Variants in PALD1 observed in about 807,000 individuals in gnomAD.
The protein encoded by PALD1 is phosphatase domain containing paladin 1, also known as paladin.
Under a neutral mutation model 96.0 loss-of-function variants are expected in PALD1, and 57 were observed. The observed-to-expected ratio is 0.59, with a 90% CI of 0.48 to 0.74. The LOEUF (loss-of-function observed/expected upper bound fraction) is 0.74. PALD1 is among the 30% of genes least tolerant of loss of function. PALD1 has a pLI of 0.00. For synonymous variants in PALD1, 464 were observed against 473.6 expected (o/e 0.98, Z 0.26); for missense variants, 1,063 against 1,143.7 (o/e 0.93, Z 1.02).
chr10:70,562,079 G>A (rs775159369), intron 18 of PALD1, among the ~76,000 whole-genome samples: 4 of 152,206 alleles, frequency 2.6e-5, no homozygotes, highest in African/African-American at 7.2e-5. Context: ...TGGTGCACAC[G>A]TGCCTTCTCA....
At chr10:70,545,667 G>T (rs934862442) in intron 17 of PALD1, among the ~76,000 whole-genome samples, 1 of 151,780 alleles carries the variant, frequency 6.6e-6, no homozygotes. Flanking sequence ...TGAACTTCTG[G>T]CCTCAAGCGA....
chr10:70,474,233 C>G (rs1845795031), upstream of PALD1, among the ~76,000 whole-genome samples: 2 of 152,068 alleles, frequency 1.3e-5, no homozygotes, highest in South Asian at 4.1e-4. Context: ...GTGTAGTGCC[C>G]TGCAGTCAGC....
chr10:70,478,651 G>A (rs1178941439), upstream of PALD1, among the ~76,000 whole-genome samples: 4 of 152,204 alleles, frequency 2.6e-5, no homozygotes, highest in African/African-American at 9.6e-5. Flanking sequence ...CGGGGGCTGC[G>A]GCTGGGCTGA....
At chr10:70,564,657 G>A in intron 19 of PALD1, 138 bp downstream of exon 19, 1 of 779,978 alleles carries the variant, frequency 1.3e-6, no homozygotes, top group Non-Finnish European at 2.1e-6. Context: ...CCTTTCTGCA[G>A]GAGGCTTCTG....
chr10:70,475,186 A>G (rs189253154), upstream of PALD1, among the ~76,000 whole-genome samples: 223 of 152,306 alleles, frequency 1.5e-3, 4 homozygotes, highest in Admixed American at 0.014. Flanking sequence ...CATGGTGGTA[A>G]AGTTGCTGTG....
chr10:70,567,750 G>A lies in PALD1; in HGVS notation c.*1017G>A, dbSNP rs1055293582. On this transcript the variant is annotated 3_prime_UTR_variant, in exon 20 of 20. Transcript: ENST00000263563. ...AGCATCTTTGAGCCTGCCTTCCGGT[G>A]GGAGCAGAAAAGGCCAGACCCTGCT... 8 of 152,822 alleles carry A rather than the reference G, an allele frequency of 5.2e-5. No homozygotes were observed. The highest frequency in any genetic ancestry group is 1.4e-4 in the African/African-American group (6 of 41,446). The allele number at this position is 152,822 out of a possible 1,614,324, so 9.5% of individuals were successfully genotyped here. A position where few individuals can be genotyped will look rare whatever the true frequency, so the allele number is the denominator to read the frequency against.
At chr10:70,472,715 C>A in the PALD1 span, among the ~76,000 whole-genome samples, 1 of 152,030 alleles carries the variant, frequency 6.6e-6, no homozygotes, top group Non-Finnish European at 1.5e-5. Flanking sequence ...GCAGCGAGAC[C>A]CAGTAGAAGG....
intron 18 of PALD1, among the ~76,000 whole-genome samples, chr10:70,549,630 G>A (rs879858327): frequency 6.6e-6 from 1 of 152,268 alleles, no homozygotes; most frequent in African/African-American, 2.4e-5. Flanking sequence ...GGGCCGAAAG[G>A]TGCAAAACGA....
the PALD1 span, among the ~76,000 whole-genome samples, chr10:70,471,106 G>A: frequency 6.6e-6 from 1 of 152,054 alleles, no homozygotes; most frequent in Non-Finnish European, 1.5e-5. Flanking sequence ...ATAGGCGTGA[G>A]CCACCGTGTC....
intron 18 of PALD1, among the ~76,000 whole-genome samples, chr10:70,559,688 T>G (rs146487511): frequency 6.6e-6 from 1 of 152,242 alleles, no homozygotes; most frequent in Non-Finnish European, 1.5e-5. Context: ...AGTCCCGGGT[T>G]CTGGCCTGTG....
At position 70,537,869 on chromosome 10, in the gene PALD1, T is replaced by C; in HGVS notation, c.1286T>C (p.Phe429Ser). ...GCGCTGTGGAGCCTGGAGCGATACT[T>C]CTACCTGATCCTGTTTAACTACTAC... ...QRALWSLERY[F>S]YLILFNYYLH... Residue 429 changes from phenylalanine (F) to serine (S), a missense_variant, in exon 11 of 20, where the codon TTC becomes TCC. Physicochemically the swap from Phe to Ser is radical, Grantham distance 155. Coordinates refer to ENST00000263563, the MANE Select transcript of PALD1 (RefSeq NM_014431.3). 1 of 1,613,772 alleles carries C rather than the reference T, an allele frequency of 6.2e-7. No individual in the cohort carries two copies. The highest frequency in any genetic ancestry group is 8.5e-7 in the Non-Finnish European group (1 of 1,179,750).
Position 70,540,350 on chromosome 10 carries a change from G to A in PALD1, c.1908+588G>A, listed in dbSNP as rs114791927. On this transcript the variant is annotated intron_variant, in intron 15 of 19. Transcript: ENST00000263563. The surrounding 1 kb of genome is among the most constrained non-coding windows in gnomAD (Gnocchi z 4.2). Reference sequence around the variant, plus strand: ...GTCTCCCTTGTCTGTATTGGGGGCTGTGTGTGGAAAACCATCTTTAGGGGA... The same window carrying A: ...GTCTCCCTTGTCTGTATTGGGGGCTATGTGTGGAAAACCATCTTTAGGGGA... 4.4e-4 allele frequency among the ~76,000 whole-genome samples: 67 copies of A among 151,986 alleles called. No individual in the cohort carries two copies. Among genetic ancestry groups the A allele is most frequent in the African/African-American group, 1.6e-3 (66 of 41,414 alleles).
intron 1 of PALD1, among the ~76,000 whole-genome samples, chr10:70,512,888 T>C (rs982986864): frequency 6.6e-5 from 10 of 152,192 alleles, no homozygotes; most frequent in African/African-American, 2.4e-4. Flanking sequence ...CATTTTTTAA[T>C]TCATCAAGAG....
intron 19 of PALD1, among the ~76,000 whole-genome samples, chr10:70,565,724 A>G (rs965967933): frequency 2.1e-4 from 32 of 152,170 alleles, no homozygotes; most frequent in Non-Finnish European, 5.9e-5. Context: ...CACCAAGGCC[A>G]TGTCGGGGTG....
In PALD1 at chr10:70,564,412, A is replaced by C; in HGVS notation, c.2311A>C (p.Ser771Arg). 1.2e-6 allele frequency: 2 copies of C among 1,613,894 alleles called. No individual in the cohort carries two copies. Residue 771 changes from serine to arginine, a missense_variant, in exon 19 of 20, where the codon AGC becomes CGC. Transcript: ENST00000263563. ...AGAAATGCGGAGGCTGCAGCTGCGG[A>C]GCCTGCAGTACTTGGAGCGCTATGT... ...AQEMRRLQLR[S>R]LQYLERYVCL...
At chr10:70,513,412 T>C (rs10999366) in intron 1 of PALD1, among the ~76,000 whole-genome samples, 23,995 of 152,130 alleles carry the variant, frequency 0.16, 2,330 homozygotes, top group Admixed American at 0.23. Context: ...CTTGGGAGGC[T>C]GAGGCAGGAA....
chr10:70,541,041 C>T, intron 15 of PALD1, 61 bp from the exon 16 acceptor site: 4 of 1,520,234 alleles, frequency 2.6e-6, no homozygotes, highest in Non-Finnish European at 1.8e-6. Context: ...GATGGGGACC[C>T]TGTTGGGGTT....
At chr10:70,550,478 G>A (rs893105219) in intron 18 of PALD1, among the ~76,000 whole-genome samples, 1 of 152,150 alleles carries the variant, frequency 6.6e-6, no homozygotes, top group Non-Finnish European at 1.5e-5. Flanking sequence ...TACAATTCAC[G>A]ATGTATACAA....
chr10:70,501,372 T>C (rs7097412), intron 1 of PALD1, among the ~76,000 whole-genome samples: 25,692 of 152,170 alleles, frequency 0.17, 2,604 homozygotes, highest in African/African-American at 0.27. Context: ...AGAACTAACC[T>C]GGTCTGGCCA....
Sources: gnomAD v4.1 joint callset for allele counts (sites outside exome capture counted in the v4.1 genomes callset) on GRCh38, gnomAD v4.1.1 for gene constraint, Gnocchi (gnomAD v3.1) non-coding constraint, MANE v1.5 for transcripts, NCBI Gene and HGNC (gene_info 2026-07-23, HGNC 2026-07-21) for gene names.